The following CACNA2D3 variants were observed in gnomAD, a reference collection of about 807,000 sequenced individuals.
CACNA2D3 encodes the protein voltage-dependent calcium channel subunit alpha-2/delta-3.
Under a neutral mutation model 160.6 loss-of-function variants are expected in CACNA2D3, and 60 were observed. The ratio of observed to expected loss-of-function variants is 0.37; its 90% confidence interval spans 0.30 to 0.46. The LOEUF is 0.46. Ranked by LOEUF, CACNA2D3 falls within the 20% of genes least tolerant of loss-of-function variation. CACNA2D3 has a pLI of 1.00. For missense variants in CACNA2D3, 1,205 were observed against 1,365.0 expected (o/e 0.88, Z 1.85); for synonymous variants, 558 against 492.9 (o/e 1.13, Z -1.75).
At chr3:54,468,120 G>A (rs78639338) in intron 4 of CACNA2D3, among the ~76,000 whole-genome samples, 2,959 of 152,270 alleles carry the variant, frequency 0.019, 76 homozygotes, top group East Asian at 0.11. Flanking sequence ...GCATGTAGCA[G>A]GTTCTCTTGG....
At chr3:54,517,071 C>T (rs1701563174) in intron 5 of CACNA2D3, among the ~76,000 whole-genome samples, 1 of 152,158 alleles carries the variant, frequency 6.6e-6, no homozygotes, top group Non-Finnish European at 1.5e-5. Flanking sequence ...TTCTAAGGAT[C>T]ACACGGATTT....
At chr3:54,123,340 C>T (rs1023174820) in intron 1 of CACNA2D3, 173 bp from the exon 2 acceptor site, 25 of 606,258 alleles carry the variant, frequency 4.1e-5, no homozygotes, top group Non-Finnish European at 6.7e-5. Flanking sequence ...CTGCGCTTTG[C>T]AGTTTTGGTG....
At chr3:54,343,064 T>G (rs559779850) in intron 3 of CACNA2D3, among the ~76,000 whole-genome samples, 1 of 152,374 alleles carries the variant, frequency 6.6e-6, no homozygotes, top group South Asian at 2.1e-4. Flanking sequence ...CAAAGTGACC[T>G]TTCTTCAATA....
chr3:54,333,979 T>C (rs1437202388), intron 3 of CACNA2D3, among the ~76,000 whole-genome samples: 1 of 152,244 alleles, frequency 6.6e-6, no homozygotes, highest in Non-Finnish European at 1.5e-5. Context: ...CTTAACCTGC[T>C]TCATTGGCCC....
intron 2 of CACNA2D3, among the ~76,000 whole-genome samples, chr3:54,192,928 C>A (rs73841905): frequency 2.0e-5 from 3 of 152,190 alleles, no homozygotes; most frequent in Non-Finnish European, 2.9e-5. Flanking sequence ...TTAAGAATTA[C>A]GACAGCAGTG....
At chr3:54,927,937 C>T (rs1701073210) in intron 27 of CACNA2D3, 1 of 1,613,132 alleles carries the variant, frequency 6.2e-7, no homozygotes, top group Non-Finnish European at 8.5e-7. Flanking sequence ...GGCGTCCTTG[C>T]TGACCTCGTA....
intron 31 of CACNA2D3, among the ~76,000 whole-genome samples, chr3:54,995,307 T>C (rs1431684100): frequency 6.6e-6 from 1 of 152,154 alleles, no homozygotes; most frequent in East Asian, 1.9e-4. Flanking sequence ...TAGAGTCCAA[T>C]GTATTAGTTA....
intron 3 of CACNA2D3, among the ~76,000 whole-genome samples, chr3:54,362,842 G>A (rs989768103): frequency 3.3e-5 from 5 of 152,224 alleles, no homozygotes; most frequent in Admixed American, 2.6e-4. Flanking sequence ...TTCAGGAACT[G>A]TTGATATCGC....
At chr3:54,164,756 C>A (rs538757362) in intron 2 of CACNA2D3, among the ~76,000 whole-genome samples, 14 of 152,254 alleles carry the variant, frequency 9.2e-5, no homozygotes, top group African/African-American at 2.9e-4. Flanking sequence ...TTCTGCCTGC[C>A]CTTCCTCTGT....
chr3:55,068,654 G>A (rs543899051), intron 35 of CACNA2D3, among the ~76,000 whole-genome samples: 1 of 152,058 alleles, frequency 6.6e-6, no homozygotes, highest in Non-Finnish European at 1.5e-5. Context: ...AACGTCTTGG[G>A]TCTCCTTTCA....
chr3:54,712,194 A>G (rs1304451489), intron 11 of CACNA2D3, among the ~76,000 whole-genome samples: 1 of 152,206 alleles, frequency 6.6e-6, no homozygotes, highest in Non-Finnish European at 1.5e-5. Flanking sequence ...TTTCCTGTTT[A>G]TGTTGTAACA....
chr3:55,018,408 T>TA, intron 35 of CACNA2D3, 91 bp downstream of exon 35: 1 of 740,994 alleles, frequency 1.3e-6, no homozygotes, highest in Non-Finnish European at 2.4e-6. Context: ...CAGGCACAGT[T>TA]ACACCAATAG....
intron 2 of CACNA2D3, among the ~76,000 whole-genome samples, chr3:54,294,198 G>T (rs1304411977): frequency 2.0e-5 from 3 of 152,218 alleles, no homozygotes; most frequent in Non-Finnish European, 1.5e-5. Context: ...GTCCCACAGT[G>T]ATCATCTCTG....
intron 35 of CACNA2D3, among the ~76,000 whole-genome samples, chr3:55,057,626 TAAG>T (rs1408094300): frequency 6.6e-6 from 1 of 152,166 alleles, no homozygotes; most frequent in African/African-American, 2.4e-5. Context: ...GTAGGAAAAC[TAAG>T]AAGAGGGAAG....
chr3:54,362,218 G>A (rs901866479), intron 3 of CACNA2D3, among the ~76,000 whole-genome samples: 24 of 152,104 alleles, frequency 1.6e-4, no homozygotes, highest in Admixed American at 1.6e-3. Flanking sequence ...TCAAAGTGTC[G>A]GCGAGGACGA....
intron 4 of CACNA2D3, among the ~76,000 whole-genome samples, chr3:54,484,140 C>A (rs558866141): frequency 6.6e-6 from 1 of 152,250 alleles, no homozygotes; most frequent in Admixed American, 6.5e-5. Context: ...TACGGTACTC[C>A]CAGCATATCA....
chr3:54,673,465 A>C (rs1290482511), intron 11 of CACNA2D3, among the ~76,000 whole-genome samples: 1 of 152,200 alleles, frequency 6.6e-6, no homozygotes, highest in African/African-American at 2.4e-5. Flanking sequence ...TCATGAGACT[A>C]GTGTTGCACA....
chr3:54,578,662 C>A (rs936845773), intron 8 of CACNA2D3, among the ~76,000 whole-genome samples: 2 of 152,204 alleles, frequency 1.3e-5, no homozygotes, highest in African/African-American at 2.4e-5. Flanking sequence ...GGAAATTAGT[C>A]AACTGCAAGC....
chr3:54,627,578 A>T (rs565806072), intron 9 of CACNA2D3, among the ~76,000 whole-genome samples: 175 of 152,352 alleles, frequency 1.1e-3, no homozygotes, highest in African/African-American at 3.8e-3. Flanking sequence ...TTTTCTTCCT[A>T]AACTGTAACT....
Sources: allele counts gnomAD v4.1 joint callset (sites outside exome capture counted in the v4.1 genomes callset), GRCh38; gene constraint gnomAD v4.1.1; transcripts MANE v1.5; gene names NCBI Gene and HGNC (gene_info 2026-07-23, HGNC 2026-07-21).